Variants in NALF1 observed in about 807,000 individuals in gnomAD.
The protein encoded by NALF1 is NALCN channel auxiliary factor 1, also known as family with sequence similarity 155 member A.
A neutral mutation model predicts 48.4 loss-of-function variants in NALF1; 3 were observed. The ratio of observed to expected loss-of-function variants is 0.06; its 90% confidence interval spans 0.03 to 0.16. The LOEUF is 0.16. Ranked by LOEUF, NALF1 falls within the 10% of genes least tolerant of loss-of-function variation. NALF1 has a pLI of 1.00. For missense variants in NALF1, 526 were observed against 571.5 expected (o/e 0.92, Z 0.81); for synonymous variants, 262 against 245.7 (o/e 1.07, Z -0.62).
At chr13:107,339,294 T>C (rs572562579) in intron 1 of NALF1, among the ~76,000 whole-genome samples, 2 of 152,238 alleles carry the variant, frequency 1.3e-5, no homozygotes, top group African/African-American at 4.8e-5. Flanking sequence ...TATTTTTAAA[T>C]GTGGTTAACT....
chr13:107,467,728 T>A (rs113528568), intron 1 of NALF1, among the ~76,000 whole-genome samples: 2 of 152,282 alleles, frequency 1.3e-5, no homozygotes, highest in African/African-American at 4.8e-5. Flanking sequence ...AAAATTCTTA[T>A]ACGATTTACA....
chr13:107,286,601 A>AAAAAAG (rs1555330474), intron 1 of NALF1, among the ~76,000 whole-genome samples: 2 of 147,384 alleles, frequency 1.4e-5, no homozygotes, highest in East Asian at 4.1e-4. Context: ...AAAAAAAAAA[A>AAAAAAG]AAAGAAAGAA....
intron 1 of NALF1, among the ~76,000 whole-genome samples, chr13:107,730,212 A>C (rs1876271224): frequency 6.6e-6 from 1 of 152,230 alleles, no homozygotes; most frequent in Non-Finnish European, 1.5e-5. Flanking sequence ...ACTTTGCTCT[A>C]AATAAAGTGA....
At chr13:107,693,328 T>TGGGGGGGGGGGG (rs1566446153) in intron 1 of NALF1, among the ~76,000 whole-genome samples, 13 of 55,958 alleles carry the variant, frequency 2.3e-4, no homozygotes, top group Middle Eastern at 8.2e-3. Context: ...TGTCGTAGGG[T>TGGGGGGGGGGGG]AGGGGGGGCG....
At chr13:107,503,321 C>G (rs1405526012) in intron 1 of NALF1, among the ~76,000 whole-genome samples, 25 of 152,074 alleles carry the variant, frequency 1.6e-4, no homozygotes, top group Admixed American at 1.6e-3. Context: ...AACAAATGAT[C>G]TTTAAATTCC....
rs912726386 is a variant in NALF1, at chr13:107,164,950, A to G, written c.*5547T>C. 2 of 152,134 alleles carry G rather than the reference A, an allele frequency of 1.3e-5. No individual in the cohort carries two copies. The highest frequency in any genetic ancestry group is 4.8e-5 in the African/African-American group (2 of 41,438). The allele number at this position is 152,134 out of a possible 1,614,324, so 9.4% of individuals were successfully genotyped here. Reference sequence around the variant, plus strand: ...CTGAGCACCTGTTTTGTCCAGGCACATTTATATTACTTATCTCTTTTAAGC... The same window carrying G: ...CTGAGCACCTGTTTTGTCCAGGCACGTTTATATTACTTATCTCTTTTAAGC... On this transcript the variant is annotated 3_prime_UTR_variant, in exon 3 of 3. Coordinates refer to ENST00000375915, the MANE Select transcript of NALF1 (RefSeq NM_001080396.3).
chr13:107,637,578 T>C (rs1880012856), intron 1 of NALF1, among the ~76,000 whole-genome samples: 1 of 152,168 alleles, frequency 6.6e-6, no homozygotes, highest in Non-Finnish European at 1.5e-5. Context: ...GGCAGATTCA[T>C]TATCCTTTTT....
At chr13:107,244,698 C>T (rs1880544065) in intron 1 of NALF1, among the ~76,000 whole-genome samples, 1 of 152,160 alleles carries the variant, frequency 6.6e-6, no homozygotes, top group African/African-American at 2.4e-5. Flanking sequence ...CTCTACCTTT[C>T]ACACCATGTT....
At chr13:107,757,986 T>C (rs2138558629) in intron 1 of NALF1, among the ~76,000 whole-genome samples, 1 of 152,308 alleles carries the variant, frequency 6.6e-6, no homozygotes, top group African/African-American at 2.4e-5. Flanking sequence ...CAGGGGCTGA[T>C]GGGAGAGACA....
chr13:107,626,639 G>C (rs1028112367), intron 1 of NALF1, among the ~76,000 whole-genome samples: 1 of 151,990 alleles, frequency 6.6e-6, no homozygotes, highest in African/African-American at 2.4e-5. Context: ...CTGTTTCCTT[G>C]GATGAAACTG....
intron 1 of NALF1, among the ~76,000 whole-genome samples, chr13:107,347,392 AAGAG>A (rs1343611061): frequency 6.6e-6 from 1 of 152,208 alleles, no homozygotes; most frequent in African/African-American, 2.4e-5. Flanking sequence ...CTGAAATTTC[AAGAG>A]GACAGGTCTA....
chr13:107,254,210 G>A (rs547974759), intron 1 of NALF1, among the ~76,000 whole-genome samples: 5 of 152,074 alleles, frequency 3.3e-5, no homozygotes, highest in Admixed American at 3.3e-4. Flanking sequence ...TGAGCAAGAA[G>A]TTGTCATCTT....
At chr13:107,266,508 A>G (rs1021375129) in intron 1 of NALF1, among the ~76,000 whole-genome samples, 3 of 152,128 alleles carry the variant, frequency 2.0e-5, no homozygotes, top group African/African-American at 7.2e-5. Context: ...ACTACTCTTA[A>G]GTTTCCCACC....
rs142127133 is a variant in NALF1, at chr13:107,336,689, T to C, written c.916-125934A>G. On this transcript the variant is annotated intron_variant, in intron 1 of 2. Coordinates refer to ENST00000375915, the MANE Select transcript of NALF1 (RefSeq NM_001080396.3). Reference sequence around the variant, plus strand: ...ATTTCATGTAACATAAAATTGTAAGTAAAGCCCATTTTCAGTAGTAGTTTC... The same window carrying C: ...ATTTCATGTAACATAAAATTGTAAGCAAAGCCCATTTTCAGTAGTAGTTTC... Among the ~76,000 whole-genome samples, 1,253 of 152,264 alleles carry C rather than the reference T, an allele frequency of 8.2e-3. 8 individuals are homozygous for C. The highest frequency in any genetic ancestry group is 0.011 in the Non-Finnish European group (763 of 68,014).
intron 1 of NALF1, among the ~76,000 whole-genome samples, chr13:107,646,638 T>C (rs1880321469): frequency 6.6e-6 from 1 of 152,140 alleles, no homozygotes; most frequent in South Asian, 2.1e-4. Context: ...GTAATCTGTA[T>C]AATAATGTGT....
chr13:107,841,217 A>G (rs1209541358), intron 1 of NALF1, among the ~76,000 whole-genome samples: 2 of 152,176 alleles, frequency 1.3e-5, no homozygotes, highest in Non-Finnish European at 2.9e-5. Context: ...ACAGCATTCT[A>G]GGTTTTACAG....
chr13:107,388,541 A>T (rs78804872), intron 1 of NALF1, among the ~76,000 whole-genome samples: 2,052 of 152,330 alleles, frequency 0.013, 27 homozygotes, highest in South Asian at 0.034. Flanking sequence ...CATACAAAAC[A>T]AGACCTCAGT....
intron 1 of NALF1, among the ~76,000 whole-genome samples, chr13:107,491,479 AG>A (rs1875111217): frequency 1.3e-5 from 2 of 152,190 alleles, no homozygotes; most frequent in Non-Finnish European, 2.9e-5. Context: ...AGTGATTCAG[AG>A]ACTGAGCCTA....
chr13:107,419,150 C>T (rs1299886944), intron 1 of NALF1, among the ~76,000 whole-genome samples: 1 of 152,166 alleles, frequency 6.6e-6, no homozygotes, highest in East Asian at 1.9e-4. Flanking sequence ...GATTTATTTT[C>T]TTCACAGGAA....
Sources: gnomAD v4.1 joint callset for allele counts (sites outside exome capture counted in the v4.1 genomes callset) on GRCh38, gnomAD v4.1.1 for gene constraint, MANE v1.5 for transcripts, NCBI Gene and HGNC (gene_info 2026-07-23, HGNC 2026-07-21) for gene names.